TEX2: variants seen among roughly 807,000 people sequenced by gnomAD.
The protein encoded by TEX2 is testis expressed 2, also known as testis-expressed protein 2.
Under a neutral mutation model 106.9 loss-of-function variants are expected in TEX2, and 53 were observed. The observed-to-expected ratio is 0.50, with a 90% CI of 0.40 to 0.62. TEX2 has a LOEUF of 0.62. Ranked by LOEUF, TEX2 falls within the 20% of genes least tolerant of loss-of-function variation. The pLI, the probability that TEX2 is intolerant of heterozygous loss-of-function variation, is 0.00. For synonymous variants in TEX2, 523 were observed against 534.8 expected (o/e 0.98, Z 0.30); for missense variants, 1,207 against 1,379.0 (o/e 0.88, Z 1.98).
chr17:64,223,237 T>C (rs1313012765), intron 1 of TEX2, among the ~76,000 whole-genome samples: 1 of 151,986 alleles, frequency 6.6e-6, no homozygotes, highest in African/African-American at 2.4e-5. Flanking sequence ...CATCATCAAT[T>C]AGGCCATGAA....
intron 6 of TEX2, among the ~76,000 whole-genome samples, chr17:64,173,769 G>T (rs1206619276): frequency 6.6e-6 from 1 of 152,148 alleles, no homozygotes; most frequent in African/African-American, 2.4e-5. Flanking sequence ...TCATTCAAAT[G>T]CTGTGCTTCA....
chr17:64,254,477 T>C (rs1350676970), intron 1 of TEX2, among the ~76,000 whole-genome samples: 3 of 152,114 alleles, frequency 2.0e-5, no homozygotes, highest in Admixed American at 6.6e-5. Context: ...AAAGCTTCGG[T>C]TTCAGCTTAA....
chr17:64,176,385 T>C (rs10853048), intron 6 of TEX2, among the ~76,000 whole-genome samples: 80,137 of 152,010 alleles, frequency 0.53, 22,957 homozygotes, highest in East Asian at 0.82. Flanking sequence ...TTGAACTTTC[T>C]GAAATAATGG....
Position 64,222,159 on chromosome 17 carries a change from T to C in TEX2, c.-25-7917A>G, listed in dbSNP as rs1440100705. On this transcript the variant is annotated intron_variant, in intron 1 of 11. Coordinates refer to ENST00000584379, the MANE Select transcript of TEX2 (RefSeq NM_001288732.2). Reference sequence around the variant, plus strand: ...TGGTTAAGATGGTAAAATTTTGCTATACGTATTTTATCATAATTAAAAATA... The same window carrying C: ...TGGTTAAGATGGTAAAATTTTGCTACACGTATTTTATCATAATTAAAAATA... Among the ~76,000 whole-genome samples, 5 of 152,342 alleles carry C rather than the reference T, an allele frequency of 3.3e-5. No homozygotes were observed. The South Asian group carries it at 6.2e-4, about 19-fold the overall frequency.
intron 8 of TEX2, among the ~76,000 whole-genome samples, chr17:64,158,425 T>C (rs1054815869): frequency 2.6e-5 from 4 of 152,224 alleles, no homozygotes; most frequent in African/African-American, 7.2e-5. Flanking sequence ...CAGGTGGCCA[T>C]GGGCTGCAGG....
intron 1 of TEX2, chr17:64,242,354 C>T (rs1321472753): frequency 6.6e-6 from 1 of 152,200 alleles, no homozygotes; most frequent in African/African-American, 2.4e-5. Context: ...CTCCACGGAA[C>T]CACTTTGTAT....
chr17:64,202,499 C>T (rs142997828), intron 2 of TEX2, among the ~76,000 whole-genome samples: 8 of 152,230 alleles, frequency 5.3e-5, no homozygotes, highest in African/African-American at 1.2e-4. Flanking sequence ...CATTTCCCCC[C>T]ACCCAGGATC....
chr17:64,157,297 G>A (rs2143634835), intron 8 of TEX2, among the ~76,000 whole-genome samples: 1 of 152,308 alleles, frequency 6.6e-6, no homozygotes, highest in African/African-American at 2.4e-5. Flanking sequence ...TCCTTTCAAA[G>A]AGACACCTTA....
At chr17:64,246,202 A>G (rs1332092007) in intron 1 of TEX2, among the ~76,000 whole-genome samples, 1 of 152,192 alleles carries the variant, frequency 6.6e-6, no homozygotes, top group East Asian at 1.9e-4. Context: ...TCTTGACTCT[A>G]AATTTCTGCT....
At chr17:64,203,231 G>A (rs1210169748) in intron 2 of TEX2, among the ~76,000 whole-genome samples, 3 of 152,260 alleles carry the variant, frequency 2.0e-5, no homozygotes, top group African/African-American at 7.2e-5. Context: ...CTGTGTGCCT[G>A]GCTGACAGCA....
chr17:64,239,704 C>T (rs191284888), intron 1 of TEX2, among the ~76,000 whole-genome samples: 1 of 151,676 alleles, frequency 6.6e-6, no homozygotes, highest in East Asian at 1.9e-4. Flanking sequence ...GGTGAAACCC[C>T]GTCTCTACTA....
intron 1 of TEX2, among the ~76,000 whole-genome samples, chr17:64,220,766 G>A (rs1555633206): frequency 6.6e-6 from 1 of 152,140 alleles, no homozygotes; most frequent in Non-Finnish European, 1.5e-5. Context: ...ATATAAATTA[G>A]TTCAACCATT....
At chr17:64,226,685 G>A (rs1227120775) in intron 1 of TEX2, among the ~76,000 whole-genome samples, 2 of 152,100 alleles carry the variant, frequency 1.3e-5, no homozygotes, top group African/African-American at 4.8e-5. Flanking sequence ...GAAACAAACC[G>A]ATGAAATAAT....
intron 6 of TEX2, among the ~76,000 whole-genome samples, chr17:64,173,470 C>T (rs947897965): frequency 1.3e-5 from 2 of 152,108 alleles, no homozygotes; most frequent in Non-Finnish European, 2.9e-5. Context: ...TCAGCTGTTT[C>T]CCTGCAGAGA....
chr17:64,182,787 C>T (rs1323357029), intron 5 of TEX2, among the ~76,000 whole-genome samples: 3 of 142,182 alleles, frequency 2.1e-5, no homozygotes, highest in African/African-American at 5.3e-5. Flanking sequence ...TGTAGCAGTG[C>T]GTCCTTTTTA....
chr17:64,251,323 G>C (rs2034086869), intron 1 of TEX2, among the ~76,000 whole-genome samples: 1 of 152,096 alleles, frequency 6.6e-6, no homozygotes. Flanking sequence ...AGTCACACAG[G>C]TCTCCTCATT....
At position 64,213,096 on chromosome 17, in the gene TEX2, A is replaced by C. The variant is rs781847888; in HGVS notation, c.1122T>G (p.Gly374=). ...TCAGTTCTATCTCTCTTGTGGGCTC[A>C]CCAGTGGACTTTGGGTGGTCACTTC... The part of the protein sequence containing the change: ...IPRSDHPKST[G]EPTREIELKS... The change falls in exon 2 of 12, where the codon GGT becomes GGG. Residue 374 remains glycine (G), a synonymous_variant. Coordinates refer to ENST00000584379, the MANE Select transcript of TEX2 (RefSeq NM_001288732.2). This position sits in a 1 kb window ranked among gnomAD's most constrained non-coding sequence, Gnocchi z 4.4. The C allele has an allele frequency of 4.3e-6, 7 of 1,614,178 alleles. No individual in the cohort carries two copies. The South Asian group carries it at 7.7e-5, about 18-fold the overall frequency.
chr17:64,237,942 G>A (rs190209381), intron 1 of TEX2, among the ~76,000 whole-genome samples: 5 of 152,072 alleles, frequency 3.3e-5, no homozygotes, highest in Admixed American at 2.6e-4. Context: ...GTTGAATGAC[G>A]AAGTATTTTC....
intron 7 of TEX2, among the ~76,000 whole-genome samples, chr17:64,164,940 G>C (rs564729898): frequency 2.0e-5 from 3 of 152,152 alleles, no homozygotes; most frequent in African/African-American, 7.2e-5. Flanking sequence ...TTACTATTTA[G>C]GCATCTGTCT....
Sources: gnomAD v4.1 joint callset for allele counts (sites outside exome capture counted in the v4.1 genomes callset) on GRCh38, gnomAD v4.1.1 for gene constraint, Gnocchi (gnomAD v3.1) non-coding constraint, MANE v1.5 for transcripts, NCBI Gene and HGNC (gene_info 2026-07-23, HGNC 2026-07-21) for gene names.